The following CELA2B variants were observed in gnomAD, a reference collection of about 807,000 sequenced individuals.
The protein encoded by CELA2B is chymotrypsin-like elastase family member 2B.
Under a neutral mutation model 36.5 loss-of-function variants are expected in CELA2B, and 27 were observed. The observed-to-expected ratio is 0.74, with a 90% CI of 0.55 to 1.02. The LOEUF (loss-of-function observed/expected upper bound fraction) is 1.02. Ranked by LOEUF, CELA2B falls within the 50% of genes least tolerant of loss-of-function variation. The probability of loss-of-function intolerance (pLI) is 0.00; values close to 1 mark genes in which losing one functional copy is unlikely to be tolerated. For synonymous variants in CELA2B, 143 were observed against 148.5 expected (o/e 0.96, Z 0.27); for missense variants, 340 against 347.8 (o/e 0.98, Z 0.18).
intron 7 of CELA2B, among the ~76,000 whole-genome samples, chr1:15,488,980 T>A (rs1708839417): frequency 2.6e-5 from 4 of 152,198 alleles, no homozygotes; most frequent in Admixed American, 2.6e-4. Flanking sequence ...TAGCCATTAA[T>A]CATTAATTGG....
At position 15,486,005 on chromosome 1, in the gene CELA2B, A is replaced by C; in HGVS notation, c.598A>C (p.Met200Leu). ...GTGGGGCAGCACCGTGAAGACGAAT[A>C]TGATCTGTGCTGGGGGTGATGGCGT... ...GWWGSTVKTN[M>L]ICAGGDGVIC... Residue 200 changes from methionine (M) to leucine (L), a missense_variant, in exon 6 of 8, where the codon ATG (methionine) becomes CTG (leucine). Coordinates refer to ENST00000375910, the MANE Select transcript of CELA2B (RefSeq NM_015849.3). The C allele has an allele frequency of 1.2e-6, 2 of 1,614,192 alleles. No individual in the cohort carries two copies. The highest frequency in any genetic ancestry group is 1.7e-6 in the Non-Finnish European group (2 of 1,180,042).
At chr1:15,483,777 A>C (rs1346950028) in intron 5 of CELA2B, among the ~76,000 whole-genome samples, 1 of 151,998 alleles carries the variant, frequency 6.6e-6, no homozygotes, top group Non-Finnish European at 1.5e-5. Flanking sequence ...AAAATATAAA[A>C]AACTCGCCAG....
chr1:15,489,515 C>G (rs993117728), intron 7 of CELA2B, among the ~76,000 whole-genome samples: 1 of 152,174 alleles, frequency 6.6e-6, no homozygotes, highest in African/African-American at 2.4e-5. Flanking sequence ...TGGCCCCAAC[C>G]CAGGGACACA....
At chr1:15,484,889 G>C (rs1247749134) in intron 5 of CELA2B, among the ~76,000 whole-genome samples, 3 of 151,874 alleles carry the variant, frequency 2.0e-5, no homozygotes, top group Non-Finnish European at 4.4e-5. Flanking sequence ...ATGGTCTTAA[G>C]CAAAAAGCTT....
At chr1:15,491,244 A>G (rs747870463) in intron 7 of CELA2B, 51 bp from the exon 8 acceptor site, 11 of 1,613,022 alleles carry the variant, frequency 6.8e-6, no homozygotes, top group African/African-American at 2.7e-5. Context: ...TGCCACGCAC[A>G]GCTCTGTGGT....
intron 7 of CELA2B, chr1:15,491,001 C>T (rs536569079): frequency 2.6e-5 from 11 of 419,576 alleles, no homozygotes; most frequent in South Asian, 1.9e-4. Context: ...ATATGCCATC[C>T]GCACATTTGG....
At chr1:15,479,373 C>T (rs1301603382) in intron 2 of CELA2B, among the ~76,000 whole-genome samples, 4 of 151,804 alleles carry the variant, frequency 2.6e-5, no homozygotes, top group African/African-American at 4.8e-5. Flanking sequence ...GGTGAAACCC[C>T]GTCTCTATTA....
chr1:15,479,963 A>T (rs1469557681), intron 2 of CELA2B, among the ~76,000 whole-genome samples: 2 of 152,166 alleles, frequency 1.3e-5, no homozygotes, highest in African/African-American at 4.8e-5. Flanking sequence ...AGAGCCTAGC[A>T]GGTCATCAGA....
At chr1:15,479,889 G>T (rs187894212) in intron 2 of CELA2B, among the ~76,000 whole-genome samples, 333 of 152,326 alleles carry the variant, frequency 2.2e-3, no homozygotes, top group African/African-American at 7.6e-3. Context: ...GTGCAGAACT[G>T]CATGGAAGTC....
intron 3 of CELA2B, chr1:15,481,559 C>G: frequency 4.0e-6 from 2 of 504,664 alleles, no homozygotes; most frequent in South Asian, 3.1e-5. Flanking sequence ...AATGGAGTAA[C>G]AGAATTTAGT....
intron 2 of CELA2B, among the ~76,000 whole-genome samples, chr1:15,478,230 T>TATATATATA (rs1557523207): frequency 1.4e-5 from 2 of 147,654 alleles, no homozygotes; most frequent in East Asian, 4.0e-4. Flanking sequence ...GGATATATAG[T>TATATATATA]TTGTTTGTTT....
chr1:15,480,357 G>A (rs1708724071), intron 2 of CELA2B, among the ~76,000 whole-genome samples: 1 of 152,120 alleles, frequency 6.6e-6, no homozygotes. Flanking sequence ...CTACAGGCAT[G>A]CACCACCACA....
chr1:15,482,553 G>A (rs1321586184), intron 4 of CELA2B, among the ~76,000 whole-genome samples, 160 bp downstream of exon 4: 1 of 152,108 alleles, frequency 6.6e-6, no homozygotes, highest in Non-Finnish European at 1.5e-5. Context: ...CTCCAAAGAT[G>A]TCTGGGGTGG....
At chr1:15,483,498 T>C (rs1272289160) in intron 5 of CELA2B, 98 bp downstream of exon 5, 33 of 1,574,022 alleles carry the variant, frequency 2.1e-5, no homozygotes, top group South Asian at 5.9e-5. Context: ...ATCCTGGGCA[T>C]GTGGCTGCCT....
At chr1:15,490,865 CAAA>C (rs34648160) in intron 7 of CELA2B, 282 of 120,364 alleles carry the variant, frequency 2.3e-3, no homozygotes, top group South Asian at 7.2e-3. Context: ...AAGACTGTCT[CAAA>C]AAAAAAAAAA....
intron 5 of CELA2B, 145 bp downstream of exon 5, chr1:15,483,545 G>A (rs1232112517): frequency 9.8e-6 from 13 of 1,320,694 alleles, no homozygotes; most frequent in Non-Finnish European, 1.1e-5. Context: ...TGTCTGCCTG[G>A]GTTCAAATGT....
intron 7 of CELA2B, among the ~76,000 whole-genome samples, chr1:15,488,208 G>A (rs1323585318): frequency 6.6e-6 from 1 of 152,212 alleles, no homozygotes; most frequent in Admixed American, 6.5e-5. Flanking sequence ...GCAACATAGC[G>A]AGACTCTGTC....
chr1:15,476,364 G>T, intron 1 of CELA2B, 93 bp from the exon 2 acceptor site: 1 of 1,447,902 alleles, frequency 6.9e-7, no homozygotes, highest in South Asian at 1.2e-5. Context: ...CTAGAACAAG[G>T]GTTTTCTATT....
At chr1:15,477,540 CTG>C (rs1708687679) in intron 2 of CELA2B, among the ~76,000 whole-genome samples, 1 of 152,170 alleles carries the variant, frequency 6.6e-6, no homozygotes, top group South Asian at 2.1e-4. Context: ...GAGTTCTTAA[CTG>C]TCTTTTTCAT....
Sources: allele counts gnomAD v4.1 joint callset (sites outside exome capture counted in the v4.1 genomes callset), GRCh38; gene constraint gnomAD v4.1.1; transcripts MANE v1.5; gene names NCBI Gene and HGNC (gene_info 2026-07-23, HGNC 2026-07-21).